Variants in CASZ1 observed in about 807,000 individuals in gnomAD.
CASZ1 encodes zinc finger protein castor homolog 1.
A neutral mutation model predicts 135.2 loss-of-function variants in CASZ1; 28 were observed. The observed-to-expected ratio is 0.21, with a 90% CI of 0.15 to 0.28. The LOEUF (loss-of-function observed/expected upper bound fraction) is 0.28. CASZ1 is among the 10% of genes least tolerant of loss of function. The pLI is 1.00. For missense variants in CASZ1, 2,161 were observed against 2,453.3 expected, an observed-to-expected ratio of 0.88 and a Z score of 2.52; for synonymous variants, 1,068 against 1,073.4, an observed-to-expected ratio of 0.99 and a Z score of 0.10.
chr1:10,663,102 T>C (rs1643102947), intron 5 of CASZ1, among the ~76,000 whole-genome samples: 1 of 152,188 alleles, frequency 6.6e-6, no homozygotes, highest in Non-Finnish European at 1.5e-5. Context: ...TCTCTGCTCA[T>C]GTGCAAGCCA....
chr1:10,772,725 A>G (rs1396056990), intron 1 of CASZ1, among the ~76,000 whole-genome samples: 1 of 152,128 alleles, frequency 6.6e-6, no homozygotes, highest in African/African-American at 2.4e-5. Context: ...TCCTAAGCCA[A>G]TGCAGAGACA....
rs542360715 is a variant in CASZ1 at position 10,700,557 on chromosome 1, T to A, written c.-24+4935A>T. ...GACACACATGATAGGCACATGTGTG[T>A]CAGGGGTGGGGTGGGGGTTAGCCAG... On this transcript the variant is annotated intron_variant, in intron 3 of 20. Transcript: ENST00000377022. The surrounding 1 kb of genome is among the most constrained non-coding windows in gnomAD (Gnocchi z 4.2). 6.6e-6 allele frequency among the ~76,000 whole-genome samples: 1 copy of A among 152,250 alleles called. No individual in the cohort carries two copies. The highest frequency in any genetic ancestry group is 2.1e-4 in the South Asian group (1 of 4,822).
In CASZ1 at chr1:10,783,867, G is replaced by A. The variant is rs1310402215; in HGVS notation, c.-234+12697C>T. Among the ~76,000 whole-genome samples the A allele has an allele frequency of 1.8e-4, 12 of 65,238 alleles. No individual in the cohort carries two copies. In the East Asian group the frequency reaches 7.4e-3, roughly 40 times the overall value. 42.8% of individuals were successfully genotyped at this position (65,238 alleles called of 152,430 possible). A position where few individuals can be genotyped will look rare whatever the true frequency, so the allele number is the denominator to read the frequency against. The stretch of plus-strand genomic sequence containing the variant: ...AGCCTGGGTGAAAAAGCAAGACTCC[G>A]TCTCAAAAAAAAAAAAAAAAAAAAA... On this transcript the variant is annotated intron_variant, in intron 1 of 20. Coordinates refer to ENST00000377022, the MANE Select transcript of CASZ1 (RefSeq NM_001079843.3).
intron 2 of CASZ1, among the ~76,000 whole-genome samples, chr1:10,751,432 T>C (rs1030715956): frequency 6.6e-6 from 1 of 152,078 alleles, no homozygotes; most frequent in African/African-American, 2.4e-5. Context: ...TGAGGCATAT[T>C]TATTTAGGGC....
Position 10,657,254 on chromosome 1 carries a change from AGCC to A in CASZ1, c.1410-521_1410-519del, listed in dbSNP as rs988817240. Among the ~76,000 whole-genome samples the A allele has an allele frequency of 6.6e-6, 1 of 152,204 alleles. No homozygotes were observed. Among genetic ancestry groups the A allele is most frequent in the Non-Finnish European group, 1.5e-5 (1 of 68,024 alleles). On this transcript the variant is annotated intron_variant, in intron 7 of 20. Coordinates refer to ENST00000377022, the MANE Select transcript of CASZ1 (RefSeq NM_001079843.3). The surrounding 1 kb of genome is among the most constrained non-coding windows in gnomAD (Gnocchi z 5.7). The stretch of plus-strand genomic sequence containing the variant: ...TCCTACAGCAACGAGCTCACTCTCC[AGCC>A]GCCGCCGCCACCGCCAGGAACCTGT...
chr1:10,782,585 G>T (rs1270620060), intron 1 of CASZ1, among the ~76,000 whole-genome samples: 1 of 152,236 alleles, frequency 6.6e-6, no homozygotes, highest in East Asian at 1.9e-4. Context: ...CCAGCAGGGT[G>T]GGGGCCGGGT....
At chr1:10,695,244 C>G (rs1488599013) in intron 3 of CASZ1, among the ~76,000 whole-genome samples, 1 of 151,940 alleles carries the variant, frequency 6.6e-6, no homozygotes, top group Non-Finnish European at 1.5e-5. Flanking sequence ...CCCTGGGCCC[C>G]AGGAGCGCCG....
At chr1:10,656,805 G>A in intron 7 of CASZ1, 69 bp from the exon 8 acceptor site, 1 of 1,050,492 alleles carries the variant, frequency 9.5e-7, no homozygotes, top group Non-Finnish European at 1.4e-6. Context: ...CCCAGCCCCA[G>A]CCCCAGGGAG....
intron 8 of CASZ1, 60 bp from the exon 9 acceptor site, chr1:10,655,873 A>C (rs980755732): frequency 6.4e-7 from 1 of 1,563,694 alleles, no homozygotes; most frequent in African/African-American, 1.4e-5. Flanking sequence ...CCTTCCTCCC[A>C]TATGCCAAGA....
At chr1:10,645,196 C>A (rs1642329792) in intron 17 of CASZ1, 108 bp from the exon 18 acceptor site, 5 of 937,732 alleles carry the variant, frequency 5.3e-6, no homozygotes, top group Non-Finnish European at 1.6e-6. Flanking sequence ...TTCTTCTCTG[C>A]TCAGAAGCTG....
intron 4 of CASZ1, among the ~76,000 whole-genome samples, chr1:10,691,245 A>T (rs368347517): frequency 6.6e-6 from 1 of 152,108 alleles, no homozygotes; most frequent in Non-Finnish European, 1.5e-5. Flanking sequence ...ATTTGCTGTC[A>T]TCTCGGGGCC....
intron 4 of CASZ1, among the ~76,000 whole-genome samples, chr1:10,672,941 C>T (rs932618940): frequency 2.0e-5 from 3 of 152,264 alleles, no homozygotes; most frequent in South Asian, 2.1e-4. Flanking sequence ...TTTATTAGCG[C>T]GTGTGCCTGT....
At chr1:10,652,327 G>C (rs187503646) in intron 11 of CASZ1, 1 of 152,298 alleles carries the variant, frequency 6.6e-6, no homozygotes, top group Non-Finnish European at 1.5e-5. Flanking sequence ...CCATGTGCCC[G>C]GGACAGACCA....
In CASZ1 at chr1:10,648,084, G is replaced by C; in HGVS notation, c.3214C>G (p.Pro1072Ala). The C allele has an allele frequency of 6.3e-7, 1 of 1,578,976 alleles. No homozygotes were observed. Among genetic ancestry groups the C allele is most frequent in the Non-Finnish European group, 8.6e-7 (1 of 1,163,170 alleles). The change falls in exon 16 of 21, where the codon CCG (proline) becomes GCG (alanine). Residue 1072 changes from proline to alanine, a missense_variant. Pro to Ala is a conservative substitution (Grantham distance 27). Coordinates refer to ENST00000377022, the MANE Select transcript of CASZ1 (RefSeq NM_001079843.3). ...AAKGNTEAAF[P>A]ASAAETKPPM... ...GGTTTGGTCTCGGCGGCCGAGGCCG[G>C]AAAGGCAGCCTCTGTGTTTCCTTTT...
Position 10,747,680 on chromosome 1 carries a change from C to A in CASZ1, c.-77+13021G>T, listed in dbSNP as rs955267141. Among the ~76,000 whole-genome samples the A allele has an allele frequency of 6.6e-6, 1 of 152,198 alleles. No homozygotes were observed. Among genetic ancestry groups the A allele is most frequent in the Non-Finnish European group, 1.5e-5 (1 of 68,030 alleles). On this transcript the variant is annotated intron_variant, in intron 2 of 20. Transcript: ENST00000377022. This position sits in a 1 kb window ranked among gnomAD's most constrained non-coding sequence, Gnocchi z 4.3. Reference sequence around the variant, plus strand: ...ATCAAAGGCTGCAGGGTCGACCACACTGAAGACCCCCACTCTGCTCTCTTG... The same window carrying A: ...ATCAAAGGCTGCAGGGTCGACCACAATGAAGACCCCCACTCTGCTCTCTTG...
chr1:10,671,856 C>T (rs1272933590), intron 4 of CASZ1, among the ~76,000 whole-genome samples: 3 of 152,198 alleles, frequency 2.0e-5, no homozygotes, highest in Admixed American at 6.5e-5. Flanking sequence ...CTGGAGGGTG[C>T]GAGGCTAGGA....
chr1:10,638,420 T>C lies in CASZ1; in HGVS notation c.*522A>G, dbSNP rs1642066835. On this transcript the variant is annotated 3_prime_UTR_variant, in exon 21 of 21. Coordinates refer to ENST00000377022, the MANE Select transcript of CASZ1 (RefSeq NM_001079843.3). This position sits in a 1 kb window ranked among gnomAD's most constrained non-coding sequence, Gnocchi z 5.9. ...TCCGCGGCTGCTACTCCCGTGAGGC[T>C]TCCTCCACGGTCCCTGTAGTGTCAC... is the stretch of plus-strand genomic sequence containing the variant. 6.6e-6 allele frequency: 1 copy of C among 152,108 alleles called. No homozygotes were observed. The highest frequency in any genetic ancestry group is 1.5e-5 in the Non-Finnish European group (1 of 68,068). 9.4% of individuals were successfully genotyped at this position (152,108 alleles called of 1,614,324 possible).
rs1051503527 is a variant in CASZ1, at chr1:10,717,331, G to A, written c.-76-11787C>T. On this transcript the variant is annotated intron_variant, in intron 2 of 20. Transcript: ENST00000377022. The surrounding 1 kb of genome is among the most constrained non-coding windows in gnomAD (Gnocchi z 4.6). ...ACTTGGCTTCTCTGCCTTTCTGTCC[G>A]ATGCATCTTTCCTGCCTTGCCGTGC... 3.9e-5 allele frequency among the ~76,000 whole-genome samples: 6 copies of A among 152,230 alleles called. No individual in the cohort carries two copies. The highest frequency in any genetic ancestry group is 3.4e-3 in the Middle Eastern group (1 of 294).
rs1642400219 is a variant in CASZ1, at chr1:10,647,524, C to G, written c.3497+277G>C. On this transcript the variant is annotated intron_variant, in intron 16 of 20. Transcript: ENST00000377022. The surrounding 1 kb of genome is among the most constrained non-coding windows in gnomAD (Gnocchi z 4.9). ...CTGAGGACCACCACGCCCAGTCCAC[C>G]CCACCTGGCCCTGGCAGGATCACCA... The G allele has an allele frequency of 7.4e-7, 1 of 1,347,714 alleles. No individual in the cohort carries two copies. The highest frequency in any genetic ancestry group is 3.2e-5 in the Admixed American group (1 of 31,326). 83.5% of individuals were successfully genotyped at this position (1,347,714 alleles called of 1,614,324 possible).
Sources: gnomAD v4.1 joint callset for allele counts (sites outside exome capture counted in the v4.1 genomes callset) on GRCh38, gnomAD v4.1.1 for gene constraint, Gnocchi (gnomAD v3.1) non-coding constraint, MANE v1.5 for transcripts, NCBI Gene and HGNC (gene_info 2026-07-23, HGNC 2026-07-21) for gene names.